EYS: variants seen among roughly 807,000 people sequenced by gnomAD.
EYS encodes the protein EGF-like photoreceptor maintenance factor.
A neutral mutation model predicts 282.1 loss-of-function variants in EYS; 250 were observed. The ratio of observed to expected loss-of-function variants is 0.89; its 90% CI spans 0.80 to 0.98. The LOEUF (loss-of-function observed/expected upper bound fraction) is 0.98. EYS is among the 50% of genes least tolerant of loss of function. The pLI is 0.00. For missense variants in EYS, 4,016 were observed against 3,709.0 expected (o/e 1.08, Z -2.15); for synonymous variants, 1,355 against 1,282.9 (o/e 1.06, Z -1.20).
chr6:65,631,646 T>A (rs1766916709), intron 2 of EYS, among the ~76,000 whole-genome samples: 1 of 152,204 alleles, frequency 6.6e-6, no homozygotes, highest in African/African-American at 2.4e-5. Context: ...GTAATTGATT[T>A]TTCTCTTTCA....
chr6:65,040,585 A>T (rs190219590), intron 13 of EYS, among the ~76,000 whole-genome samples: 5 of 151,628 alleles, frequency 3.3e-5, no homozygotes, highest in African/African-American at 1.2e-4. Flanking sequence ...TAAAATGTGA[A>T]TTTTTGGAGG....
intron 12 of EYS, among the ~76,000 whole-genome samples, chr6:65,059,777 A>G (rs1237389645): frequency 6.6e-6 from 1 of 152,084 alleles, no homozygotes; most frequent in Non-Finnish European, 1.5e-5. Flanking sequence ...CACTGAGGGA[A>G]ACCTGTTTGT....
intron 1 of EYS, among the ~76,000 whole-genome samples, chr6:65,691,460 C>A (rs565012968): frequency 6.7e-6 from 1 of 149,382 alleles, no homozygotes; most frequent in East Asian, 2.3e-4. Context: ...TTGTTTAAGT[C>A]CTTTGTAGAT....
At chr6:63,978,205 AAG>A (rs1400112284) in intron 35 of EYS, among the ~76,000 whole-genome samples, 4 of 152,042 alleles carry the variant, frequency 2.6e-5, no homozygotes, top group African/African-American at 9.7e-5. Context: ...TTAACATAAT[AAG>A]AAAGATAGGA....
At chr6:63,800,051 G>A (rs975039401) in intron 37 of EYS, among the ~76,000 whole-genome samples, 1 of 152,188 alleles carries the variant, frequency 6.6e-6, no homozygotes, top group African/African-American at 2.4e-5. Context: ...ACTAATTGTG[G>A]AGGATTGCTC....
rs1764779687 is a variant in EYS at position 65,363,149 on chromosome 6, A to G, written c.1300-9532T>C. On this transcript the variant is annotated intron_variant, in intron 8 of 42. Transcript: ENST00000503581. ...GAATGAATGTGATCATCAGGGCTACAAAAGAAGATAAATGATTATCTTACT... is the reference window on the plus strand; with the variant it reads ...GAATGAATGTGATCATCAGGGCTACGAAAGAAGATAAATGATTATCTTACT... Among the ~76,000 whole-genome samples, 3 of 151,926 alleles carry G rather than the reference A, an allele frequency of 2.0e-5. No homozygotes were observed. The East Asian group carries it at 5.8e-4, about 29-fold the overall frequency.
At chr6:65,336,103 C>T (rs1284598601) in intron 10 of EYS, among the ~76,000 whole-genome samples, 4 of 151,696 alleles carry the variant, frequency 2.6e-5, no homozygotes, top group Non-Finnish European at 5.9e-5. Flanking sequence ...CCAGCCATGC[C>T]TCCTGTAGAG....
intron 1 of EYS, among the ~76,000 whole-genome samples, chr6:65,674,388 T>C (rs1443396317): frequency 7.2e-6 from 1 of 139,462 alleles, no homozygotes; most frequent in Non-Finnish European, 1.5e-5. Context: ...CAGCACAATA[T>C]TGCAGTGAGG....
chr6:63,941,515 A>G (rs1765239206), intron 35 of EYS, among the ~76,000 whole-genome samples: 1 of 152,072 alleles, frequency 6.6e-6, no homozygotes, highest in Non-Finnish European at 1.5e-5. Context: ...TCCTTCGTCC[A>G]CTTTTTGATG....
chr6:64,251,787 A>G (rs754351383), intron 30 of EYS, among the ~76,000 whole-genome samples: 2 of 152,150 alleles, frequency 1.3e-5, no homozygotes, highest in South Asian at 4.1e-4. Flanking sequence ...ACCATTAAGA[A>G]GCTCTTGAAG....
chr6:65,131,980 A>C (rs1775891899), intron 12 of EYS, among the ~76,000 whole-genome samples: 1 of 151,986 alleles, frequency 6.6e-6, no homozygotes, highest in Non-Finnish European at 1.5e-5. Context: ...GAGAGGGATA[A>C]ATTCCTGGAC....
chr6:65,412,301 T>G (rs899751616), intron 5 of EYS, among the ~76,000 whole-genome samples: 32 of 152,164 alleles, frequency 2.1e-4, no homozygotes, highest in Admixed American at 2.1e-3. Flanking sequence ...CAAATAAAGC[T>G]ACCACGAATA....
At chr6:65,183,295 A>G (rs897935939) in intron 12 of EYS, among the ~76,000 whole-genome samples, 28 of 151,932 alleles carry the variant, frequency 1.8e-4, no homozygotes, top group Middle Eastern at 3.2e-3. Flanking sequence ...TCCATCTGTC[A>G]AAAGGTCTCA....
chr6:64,390,475 G>T (rs6454822), intron 28 of EYS, among the ~76,000 whole-genome samples: 2 of 150,972 alleles, frequency 1.3e-5, no homozygotes, highest in Admixed American at 6.6e-5. Context: ...CCCTGACCCC[G>T]GAGCAGCCTA....
chr6:65,625,007 C>A (rs1426357539), intron 2 of EYS, among the ~76,000 whole-genome samples: 2 of 151,992 alleles, frequency 1.3e-5, no homozygotes, highest in Non-Finnish European at 2.9e-5. Flanking sequence ...TCTAGTGAGC[C>A]CTGAATAATA....
At chr6:65,091,452 G>GAAATAAATAAAT (rs59923804) in intron 12 of EYS, among the ~76,000 whole-genome samples, 31,961 of 143,884 alleles carry the variant, frequency 0.22, 3,899 homozygotes, top group Non-Finnish European at 0.24. Flanking sequence ...TACATCTCAA[G>GAAATAAATAAAT]AAATAAATAA....
chr6:63,819,867 A>G (rs1771276530), intron 36 of EYS, among the ~76,000 whole-genome samples: 1 of 152,202 alleles, frequency 6.6e-6, no homozygotes, highest in Non-Finnish European at 1.5e-5. Context: ...TGCCAATCCC[A>G]TGATGTAATC....
At chr6:64,516,238 T>A (rs1368781831) in intron 26 of EYS, among the ~76,000 whole-genome samples, 1 of 148,318 alleles carries the variant, frequency 6.7e-6, no homozygotes, top group East Asian at 2.0e-4. Context: ...ACCTGTAGGA[T>A]GAAATAATCT....
At chr6:64,309,260 G>T (rs1438054813) in intron 29 of EYS, among the ~76,000 whole-genome samples, 1 of 152,074 alleles carries the variant, frequency 6.6e-6, no homozygotes, top group Non-Finnish European at 1.5e-5. Context: ...ACATTAAAGA[G>T]CCATGAAAAA....
Sources: gnomAD v4.1 joint callset for allele counts (sites outside exome capture counted in the v4.1 genomes callset) on GRCh38, gnomAD v4.1.1 for gene constraint, MANE v1.5 for transcripts, NCBI Gene and HGNC (gene_info 2026-07-23, HGNC 2026-07-21) for gene names.